Variants in HS6ST3 observed in about 807,000 individuals in gnomAD.
The protein encoded by HS6ST3 is heparan-sulfate 6-O-sulfotransferase 3.
Under a neutral mutation model 36.7 loss-of-function variants are expected in HS6ST3, and 12 were observed. The observed-to-expected ratio is 0.33, with a 90% confidence interval of 0.21 to 0.53. The LOEUF (loss-of-function observed/expected upper bound fraction) is 0.53. Among genes scored for constraint, HS6ST3 ranks in the 20% least tolerant of loss-of-function variants. The probability of loss-of-function intolerance (pLI) is 0.95; values close to 1 mark genes in which losing one functional copy is unlikely to be tolerated. For missense variants in HS6ST3, 584 were observed against 640.9 expected, an observed-to-expected ratio of 0.91 and a Z score of 0.96; for synonymous variants, 240 against 257.5, an observed-to-expected ratio of 0.93 and a Z score of 0.65.
chr13:96,406,998 T>G (rs1055546213), intron 1 of HS6ST3, among the ~76,000 whole-genome samples: 7 of 152,224 alleles, frequency 4.6e-5, no homozygotes, highest in Admixed American at 2.6e-4. Flanking sequence ...TGATGGTCAT[T>G]CTATAATTCA....
At chr13:96,176,346 G>C (rs1324250718) in intron 1 of HS6ST3, among the ~76,000 whole-genome samples, 1 of 152,128 alleles carries the variant, frequency 6.6e-6, no homozygotes, top group Admixed American at 6.6e-5. Flanking sequence ...TATTTGATGA[G>C]AGGAAGTTTA....
chr13:96,232,689 A>G (rs188659688), intron 1 of HS6ST3, among the ~76,000 whole-genome samples: 1 of 152,116 alleles, frequency 6.6e-6, no homozygotes, highest in Non-Finnish European at 1.5e-5. Context: ...CTGTGGGGGA[A>G]TCAGGTGCAA....
chr13:96,738,887 T>G lies in HS6ST3; in HGVS notation c.708-93603T>G, dbSNP rs917412278. On this transcript the variant is annotated intron_variant, in intron 1 of 1. Transcript: ENST00000376705. ...TTTACAGCAAAACACCTCAAAAGAA[T>G]TAGTCCATATTTAACTTCTCTAGTT... 7.9e-5 allele frequency among the ~76,000 whole-genome samples: 12 copies of G among 152,170 alleles called. No homozygotes were observed. The South Asian group carries it at 2.3e-3, about 29-fold the overall frequency.
intron 1 of HS6ST3, among the ~76,000 whole-genome samples, chr13:96,695,553 C>T (rs1191178517): frequency 1.3e-5 from 2 of 151,822 alleles, no homozygotes; most frequent in African/African-American, 4.8e-5. Context: ...CCACCTCAGG[C>T]TCCTGAGTAG....
chr13:96,832,404 C>A, intron 1 of HS6ST3, 86 bp from the exon 2 acceptor site: 2 of 989,678 alleles, frequency 2.0e-6, no homozygotes, highest in Non-Finnish European at 2.9e-6. Context: ...AGTCCCTTGA[C>A]TCAATGCCGA....
intron 1 of HS6ST3, among the ~76,000 whole-genome samples, chr13:96,503,687 G>A (rs1594795523): frequency 6.6e-6 from 1 of 152,178 alleles, no homozygotes. Flanking sequence ...ACTAAAAATA[G>A]TAGCTCACAT....
chr13:96,610,958 T>C (rs924927780), intron 1 of HS6ST3, among the ~76,000 whole-genome samples: 3 of 151,756 alleles, frequency 2.0e-5, no homozygotes, highest in African/African-American at 7.2e-5. Context: ...CATGAAAAGC[T>C]CAAGGGTATT....
intron 1 of HS6ST3, among the ~76,000 whole-genome samples, chr13:96,640,973 G>C (rs1312818191): frequency 6.6e-6 from 1 of 151,988 alleles, no homozygotes; most frequent in Non-Finnish European, 1.5e-5. Flanking sequence ...ATAGTCTGAA[G>C]TCAGGTGATA....
chr13:96,482,372 C>T (rs539540682), intron 1 of HS6ST3, among the ~76,000 whole-genome samples: 4 of 152,122 alleles, frequency 2.6e-5, no homozygotes, highest in African/African-American at 4.8e-5. Context: ...AATCTGCCTC[C>T]TTGAAACCAA....
intron 1 of HS6ST3, among the ~76,000 whole-genome samples, chr13:96,645,448 A>G (rs148142184): frequency 6.6e-6 from 1 of 151,200 alleles, no homozygotes; most frequent in African/African-American, 2.4e-5. Flanking sequence ...TTAAATACCT[A>G]TGATTCCTTT....
chr13:96,558,606 T>C (rs1278945050), intron 1 of HS6ST3, among the ~76,000 whole-genome samples: 4 of 152,198 alleles, frequency 2.6e-5, no homozygotes, highest in African/African-American at 9.7e-5. Flanking sequence ...TTAAAAAAGA[T>C]AGTATAGTAC....
At chr13:96,366,397 C>T (rs900463866) in intron 1 of HS6ST3, among the ~76,000 whole-genome samples, 1 of 151,790 alleles carries the variant, frequency 6.6e-6, no homozygotes, top group East Asian at 1.9e-4. Flanking sequence ...TGCAGTGAGT[C>T]AAGATTGTGC....
chr13:96,169,910 A>T (rs999372048), intron 1 of HS6ST3: 1 of 152,226 alleles, frequency 6.6e-6, no homozygotes, highest in African/African-American at 2.4e-5. Context: ...ATGTGAGGAG[A>T]ACATGGCTCA....
chr13:96,813,430 C>T (rs1878360710), intron 1 of HS6ST3, among the ~76,000 whole-genome samples: 2 of 152,142 alleles, frequency 1.3e-5, no homozygotes, highest in African/African-American at 4.8e-5. Context: ...GACCCTGGGG[C>T]ACAGCCTCCC....
In HS6ST3 at chr13:96,477,241, A is replaced by G. The variant is rs555674225; in HGVS notation, c.708-355249A>G. Among the ~76,000 whole-genome samples the G allele has an allele frequency of 2.8e-4, 42 of 152,296 alleles. No homozygotes were observed. In the South Asian group the frequency reaches 7.5e-3, roughly 27 times the overall value. On this transcript the variant is annotated intron_variant, in intron 1 of 1. Transcript: ENST00000376705. ...CCTGTTGCCTCATTTAGTTTAAGCAATGTGCCTTTTGAGCTGGGAGACTGG... is the reference window on the plus strand; with the variant it reads ...CCTGTTGCCTCATTTAGTTTAAGCAGTGTGCCTTTTGAGCTGGGAGACTGG...
intron 1 of HS6ST3, among the ~76,000 whole-genome samples, chr13:96,215,809 A>G (rs1393867023): frequency 1.3e-5 from 2 of 152,154 alleles, no homozygotes; most frequent in Non-Finnish European, 2.9e-5. Flanking sequence ...GGCTTTGTAT[A>G]GTTGGACAAT....
chr13:96,470,467 C>G (rs970933485), intron 1 of HS6ST3, among the ~76,000 whole-genome samples: 3 of 152,128 alleles, frequency 2.0e-5, no homozygotes, highest in South Asian at 4.1e-4. Flanking sequence ...TTCTGCTCAT[C>G]ATCTCCCACA....
intron 1 of HS6ST3, among the ~76,000 whole-genome samples, chr13:96,174,457 C>A (rs1312434076): frequency 1.3e-5 from 2 of 152,010 alleles, no homozygotes; most frequent in Admixed American, 1.3e-4. Flanking sequence ...TGGCTTTAAA[C>A]TCCTGGGCCC....
intron 1 of HS6ST3, among the ~76,000 whole-genome samples, chr13:96,714,309 A>G (rs912022814): frequency 1.3e-5 from 2 of 152,220 alleles, no homozygotes; most frequent in Non-Finnish European, 2.9e-5. Flanking sequence ...TTATTACAAA[A>G]AAAAACACAA....
Sources: gnomAD v4.1 joint callset for allele counts (sites outside exome capture counted in the v4.1 genomes callset) on GRCh38, gnomAD v4.1.1 for gene constraint, MANE v1.5 for transcripts, NCBI Gene and HGNC (gene_info 2026-07-23, HGNC 2026-07-21) for gene names.